Variants in BCAS3 observed in about 807,000 individuals in gnomAD.
BCAS3 encodes the protein BCAS4/BCAS3 fusion.
BCAS3 carries 53 observed loss-of-function variants against 116.1 expected under a neutral mutation model. The observed-to-expected ratio is 0.46, with a 90% CI of 0.37 to 0.57. BCAS3 has a LOEUF of 0.57. Among genes scored for constraint, BCAS3 ranks in the 20% least tolerant of loss-of-function variants. The pLI, the probability that BCAS3 is intolerant of heterozygous loss-of-function variation, is 0.00. For synonymous variants in BCAS3, 391 were observed against 408.2 expected (o/e 0.96, Z 0.51); for missense variants, 917 against 1,165.4 (o/e 0.79, Z 3.10).
intron 9 of BCAS3, among the ~76,000 whole-genome samples, chr17:60,877,723 T>C (rs8068776): frequency 0.05 from 7,558 of 152,224 alleles, 593 homozygotes; most frequent in African/African-American, 0.17. Flanking sequence ...TTTAGTTAAG[T>C]CCTGGTCAAG....
chr17:60,904,632 G>A (rs971816595), intron 11 of BCAS3, among the ~76,000 whole-genome samples: 1 of 152,100 alleles, frequency 6.6e-6, no homozygotes, highest in Non-Finnish European at 1.5e-5. Context: ...AGGAATTTGA[G>A]ACCAGCTGAG....
intron 7 of BCAS3, among the ~76,000 whole-genome samples, chr17:60,860,990 A>AG (rs2054110465): frequency 1.3e-5 from 2 of 152,114 alleles, no homozygotes; most frequent in African/African-American, 4.8e-5. Flanking sequence ...TTGGTCTCAT[A>AG]TGAATTTTAG....
chr17:60,864,960 A>G (rs1308104899), intron 7 of BCAS3, among the ~76,000 whole-genome samples: 1 of 152,206 alleles, frequency 6.6e-6, no homozygotes, highest in African/African-American at 2.4e-5. Context: ...TCATTTATTG[A>G]TTAAATTTAC....
intron 5 of BCAS3, among the ~76,000 whole-genome samples, chr17:60,744,113 C>G (rs1568150766): frequency 2.6e-5 from 4 of 152,192 alleles, no homozygotes; most frequent in Admixed American, 2.0e-4. Flanking sequence ...GAGGCTTTCT[C>G]CCTGTTCGCT....
At chr17:60,815,409 G>A (rs578183981) in intron 7 of BCAS3, among the ~76,000 whole-genome samples, 7 of 151,890 alleles carry the variant, frequency 4.6e-5, no homozygotes, top group Admixed American at 1.3e-4. Flanking sequence ...AAGCCTGCAC[G>A]TTGTGCACAT....
At chr17:61,177,493 G>A (rs1453530711) in intron 22 of BCAS3, among the ~76,000 whole-genome samples, 2 of 152,186 alleles carry the variant, frequency 1.3e-5, no homozygotes, top group African/African-American at 4.8e-5. Context: ...GCTAGAGGAT[G>A]CTAACTAATC....
Position 61,286,530 on chromosome 17 carries a change from G to T in BCAS3, c.2426-81797G>T, listed in dbSNP as rs991173151. Among the ~76,000 whole-genome samples the T allele has an allele frequency of 1.1e-4, 16 of 152,174 alleles. 1 individual carries two copies. Among genetic ancestry groups the T allele is most frequent in the Admixed American group, 7.2e-4 (11 of 15,272 alleles). On this transcript the variant is annotated intron_variant, in intron 22 of 23. Coordinates refer to ENST00000407086, the MANE Select transcript of BCAS3 (RefSeq NM_017679.5). This position sits in a 1 kb window ranked among gnomAD's most constrained non-coding sequence, Gnocchi z 4.8. ...CCAGATTTTCTCACGTTAGCATGCT[G>T]CTGCTTGGTGCACGACCAAAAAGTA...
chr17:60,903,890 A>G (rs578120543), intron 11 of BCAS3, among the ~76,000 whole-genome samples: 2 of 152,222 alleles, frequency 1.3e-5, no homozygotes, highest in Admixed American at 6.5e-5. Context: ...TCTTTTTCTC[A>G]AGTATTAGAC....
chr17:60,747,640 C>G (rs1413332543), intron 6 of BCAS3, among the ~76,000 whole-genome samples: 1 of 152,082 alleles, frequency 6.6e-6, no homozygotes, highest in Non-Finnish European at 1.5e-5. Context: ...TGTTATGTTT[C>G]TGGCTTAGCT....
At chr17:61,147,660 C>G (rs1460996232) in intron 22 of BCAS3, among the ~76,000 whole-genome samples, 1 of 152,104 alleles carries the variant, frequency 6.6e-6, no homozygotes, top group Non-Finnish European at 1.5e-5. Flanking sequence ...TTTATATTCT[C>G]AATAAAGCTT....
At chr17:61,389,722 A>G (rs1275993087) in intron 23 of BCAS3, 1 of 152,276 alleles carries the variant, frequency 6.6e-6, no homozygotes, top group Non-Finnish European at 1.5e-5. Context: ...GGCCCCCAAG[A>G]ACAGGACATT....
At position 61,028,308 on chromosome 17, in the gene BCAS3, A is replaced by G. The variant is rs2066402358; in HGVS notation, c.1638-6358A>G. On this transcript the variant is annotated intron_variant, in intron 16 of 23. Transcript: ENST00000407086. This position sits in a 1 kb window ranked among gnomAD's most constrained non-coding sequence, Gnocchi z 4.3. ...ATTATAATTAGACACAGTTTGCAAA[A>G]CTATTCTAAACAAATTCAGGATATA... Among the ~76,000 whole-genome samples, 2 of 151,858 alleles carry G rather than the reference A, an allele frequency of 1.3e-5. No homozygotes were observed.
chr17:61,221,531 G>A (rs1001835590), intron 22 of BCAS3, among the ~76,000 whole-genome samples: 5 of 152,174 alleles, frequency 3.3e-5, no homozygotes, highest in African/African-American at 4.8e-5. Flanking sequence ...TATCACGATT[G>A]GAAGAAAAAG....
At chr17:60,680,639 C>CT (rs768865456) in intron 2 of BCAS3, among the ~76,000 whole-genome samples, 1,508 of 142,728 alleles carry the variant, frequency 0.011, 11 homozygotes, top group Non-Finnish European at 0.015. Context: ...GATATGTATA[C>CT]TTTTTTTTTT....
rs2055678755 is a variant in BCAS3 at position 61,325,768 on chromosome 17, G to A, written c.2426-42559G>A. Among the ~76,000 whole-genome samples, 1 of 152,156 alleles carries A rather than the reference G, an allele frequency of 6.6e-6. No individual in the cohort carries two copies. The highest frequency in any genetic ancestry group is 1.5e-5 in the Non-Finnish European group (1 of 68,022). ...ACAAAGCAGGGGCTTTTTTAGGGAG[G>A]TGTTTTTGAAATGAGTGTCTCCATT... On this transcript the variant is annotated intron_variant, in intron 22 of 23. Transcript: ENST00000407086. The surrounding 1 kb of genome is among the most constrained non-coding windows in gnomAD (Gnocchi z 6.4).
At chr17:60,787,792 C>G (rs2046405116) in intron 6 of BCAS3, among the ~76,000 whole-genome samples, 1 of 151,996 alleles carries the variant, frequency 6.6e-6, no homozygotes, top group Non-Finnish European at 1.5e-5. Flanking sequence ...TGCAGCATTA[C>G]TGAGGCAGGG....
At chr17:60,733,402 C>T (rs529944576) in intron 5 of BCAS3, among the ~76,000 whole-genome samples, 1 of 152,318 alleles carries the variant, frequency 6.6e-6, no homozygotes, top group Non-Finnish European at 1.5e-5. Context: ...CTTGCTCCCT[C>T]TCTTCCCAGG....
rs201141656 is a variant in BCAS3, at chr17:61,373,804, C to CTTTTTTTTTTTTT, written c.2593+5313_2593+5314insTTTTTTTTTTTTT. On this transcript the variant is annotated intron_variant, in intron 23 of 23. Transcript: ENST00000407086. ...TTGCTGCTGTTAACTTCTTCTTCTT[C>CTTTTTTTTTTTTT]TTTGTTTTTTTTTTTTTTTTTTTTG... Among the ~76,000 whole-genome samples the CTTTTTTTTTTTTT allele has an allele frequency of 2.8e-4, 21 of 76,122 alleles. 1 individual carries two copies. Among genetic ancestry groups the CTTTTTTTTTTTTT allele is most frequent in the Non-Finnish European group, 4.9e-4 (18 of 36,686 alleles). The allele number at this position is 76,122 out of a possible 152,430, so 49.9% of individuals were successfully genotyped here. A position where few individuals can be genotyped will look rare whatever the true frequency, so the allele number is the denominator to read the frequency against.
At chr17:60,972,572 C>T (rs2062033004) in intron 14 of BCAS3, among the ~76,000 whole-genome samples, 1 of 151,700 alleles carries the variant, frequency 6.6e-6, no homozygotes, top group Non-Finnish European at 1.5e-5. Flanking sequence ...CTCAGCCTCC[C>T]AAGTAGCTGG....
Sources: allele counts gnomAD v4.1 joint callset (sites outside exome capture counted in the v4.1 genomes callset), GRCh38; gene constraint gnomAD v4.1.1; non-coding constraint Gnocchi (gnomAD v3.1); transcripts MANE v1.5; gene names NCBI Gene and HGNC (gene_info 2026-07-23, HGNC 2026-07-21).